Variants in IL11 observed in about 807,000 individuals in gnomAD.
IL11 encodes interleukin-11.
In IL11, 17 loss-of-function variants were observed where a neutral mutation model predicts 18.1. That is an observed-to-expected ratio of 0.94 (90% confidence interval 0.64 to 1.41). The LOEUF (loss-of-function observed/expected upper bound fraction) is 1.41, where lower values mean the gene tolerates loss of function less well. Ranked by LOEUF, IL11 falls within the 40% of genes most tolerant of loss-of-function variation. The pLI, the probability that IL11 is intolerant of heterozygous loss-of-function variation, is 0.00. For missense variants in IL11, 309 were observed against 262.8 expected (o/e 1.18, Z -1.22); for synonymous variants, 144 against 134.1 (o/e 1.07, Z -0.51).
At position 55,368,321 on chromosome 19, in the gene IL11, C is replaced by T; in HGVS notation, c.318G>A (p.Arg106=). Reference sequence around the variant, plus strand: ...CTGCCCGGCGCAGCCACTGCACGTGCCGCAGGTAGGACAGTAGGTCCGCTC... The same window carrying T: ...CTGCCCGGCGCAGCCACTGCACGTGTCGCAGGTAGGACAGTAGGTCCGCTC... ...RLRADLLSYL[R]HVQWLRRAGG... The change falls in exon 4 of 5, where the codon CGG becomes CGA. Residue 106 remains arginine, a synonymous_variant. Coordinates refer to ENST00000264563, the MANE Select transcript of IL11 (RefSeq NM_000641.4). The T allele has an allele frequency of 6.3e-7, 1 of 1,596,852 alleles. No individual in the cohort carries two copies. The highest frequency in any genetic ancestry group is 2.3e-5 in the East Asian group (1 of 44,138).
Position 55,369,566 on chromosome 19 carries a change from A to AG in IL11, c.8-626dup, listed in dbSNP as rs1238570767. On this transcript the variant is annotated intron_variant, in intron 1 of 4. Coordinates refer to ENST00000264563, the MANE Select transcript of IL11 (RefSeq NM_000641.4). The surrounding 1 kb of genome is among the most constrained non-coding windows in gnomAD (Gnocchi z 6.1). ...CCCGGGCCGCAGCGCACCTGGGCGGAGAGGGGCAGAGCCATGGGCCCGGCC... is the reference window on the plus strand; with the variant it reads ...CCCGGGCCGCAGCGCACCTGGGCGGAGGAGGGGCAGAGCCATGGGCCCGGCC... 6.7e-6 allele frequency among the ~76,000 whole-genome samples: 1 copy of AG among 148,312 alleles called. No homozygotes were observed. The highest frequency in any genetic ancestry group is 1.5e-5 in the Non-Finnish European group (1 of 66,792).
chr19:55,369,314 GGGCGTCTCCCGTCCGCCCCC>G lies in IL11; in HGVS notation c.8-393_8-374del, dbSNP rs2089806853. The G allele has an allele frequency of 6.0e-6, 1 of 165,906 alleles. No individual in the cohort carries two copies. Among genetic ancestry groups the G allele is most frequent in the Admixed American group, 6.3e-5 (1 of 15,960 alleles). The allele number at this position is 165,906 out of a possible 1,614,324, so 10.3% of individuals were successfully genotyped here. A position where few individuals can be genotyped will look rare whatever the true frequency, so the allele number is the denominator to read the frequency against. On this transcript the variant is annotated intron_variant, in intron 1 of 4. Coordinates refer to ENST00000264563, the MANE Select transcript of IL11 (RefSeq NM_000641.4). The surrounding 1 kb of genome is among the most constrained non-coding windows in gnomAD (Gnocchi z 6.1). Reference sequence around the variant, plus strand: ...GCGGCCCGGGGCGGGTAGACGGGCCGGGCGTCTCCCGTCCGCCCCCGGACGCCGGAATCTGGGCCCCGGGG... The same window carrying G: ...GCGGCCCGGGGCGGGTAGACGGGCCGGGACGCCGGAATCTGGGCCCCGGGG...
intron 4 of IL11, 102 bp downstream of exon 4, chr19:55,368,108 T>C (rs910331354): frequency 4.1e-5 from 42 of 1,035,340 alleles, no homozygotes; most frequent in Non-Finnish European, 5.7e-5. Flanking sequence ...AGCGGGGCTG[T>C]TGCACTCGGG....
In IL11 at chr19:55,370,420, T is replaced by C. The variant is rs1489704857; in HGVS notation, c.-110A>G. On this transcript the variant is annotated 5_prime_UTR_variant, in exon 1 of 5. Transcript: ENST00000264563. ...CCCGAGGGTCAGCTGGGCCGCGGCC[T>C]GGGGAGGGGAGGCATGTGCCCTGAG... 7.2e-6 allele frequency: 5 copies of C among 693,386 alleles called. No individual in the cohort carries two copies. The highest frequency in any genetic ancestry group is 1.0e-5 in the Non-Finnish European group (5 of 501,294). The allele number at this position is 693,386 out of a possible 1,614,324, so 43.0% of individuals were successfully genotyped here. A position where few individuals can be genotyped will look rare whatever the true frequency, so the allele number is the denominator to read the frequency against.
rs2089806832 is a variant in IL11, at chr19:55,369,314, G to A, written c.8-373C>T. ...GCGGCCCGGGGCGGGTAGACGGGCC[G>A]GGCGTCTCCCGTCCGCCCCCGGACG... is the stretch of plus-strand genomic sequence containing the variant. On this transcript the variant is annotated intron_variant, in intron 1 of 4. Coordinates refer to ENST00000264563, the MANE Select transcript of IL11 (RefSeq NM_000641.4). This position sits in a 1 kb window ranked among gnomAD's most constrained non-coding sequence, Gnocchi z 6.1. 6.0e-6 allele frequency: 1 copy of A among 166,020 alleles called. No homozygotes were observed. Among genetic ancestry groups the A allele is most frequent in the Non-Finnish European group, 1.3e-5 (1 of 77,442 alleles). 10.3% of individuals were successfully genotyped at this position (166,020 alleles called of 1,614,324 possible). A position where few individuals can be genotyped will look rare whatever the true frequency, so the allele number is the denominator to read the frequency against.
rs758437473 is a variant in IL11, at chr19:55,368,896, G to A, written c.53C>T (p.Thr18Ile). 7.7e-6 allele frequency: 12 copies of A among 1,560,670 alleles called. No homozygotes were observed. The highest frequency in any genetic ancestry group is 1.0e-5 in the Non-Finnish European group (12 of 1,151,978). The change falls in exon 2 of 5, where the codon ACA becomes ATA. Residue 18 changes from threonine (T) to isoleucine (I), a missense_variant. Thr to Ile is a moderately conservative substitution (Grantham distance 89). Coordinates refer to ENST00000264563, the MANE Select transcript of IL11 (RefSeq NM_000641.4). ...VLVVLSLWPD[T>I]AVAPGPPPGP... ...AGGTGGTGGCCCAGGGGCGACAGCTGTATCTGGCCACAGGCTCAGCACGAC... is the reference window on the plus strand; with the variant it reads ...AGGTGGTGGCCCAGGGGCGACAGCTATATCTGGCCACAGGCTCAGCACGAC...
intron 2 of IL11, 94 bp from the exon 3 acceptor site, chr19:55,368,663 T>A: frequency 6.8e-7 from 1 of 1,468,636 alleles, no homozygotes; most frequent in Non-Finnish European, 9.2e-7. Flanking sequence ...CCTCCCTCAC[T>A]CTGCCACCTG....
At position 55,366,990 on chromosome 19, in the gene IL11, T is replaced by C. The variant is rs1218405177; in HGVS notation, c.430-813A>G. Among the ~76,000 whole-genome samples the C allele has an allele frequency of 3.9e-5, 6 of 152,134 alleles. No homozygotes were observed. The highest frequency in any genetic ancestry group is 7.2e-5 in the African/African-American group (3 of 41,426). ...GGTTTTACAGACAGTATCTGAGGTC[T>C]GTGGGCTCGAGTCTAGGGTCAGGCC... On this transcript the variant is annotated intron_variant, in intron 4 of 4. Transcript: ENST00000264563. This position sits in a 1 kb window ranked among gnomAD's most constrained non-coding sequence, Gnocchi z 4.6.
rs1198855463 is a variant in IL11 at position 55,369,726 on chromosome 19, C to T, written c.7+578G>A. On this transcript the variant is annotated intron_variant, in intron 1 of 4. Coordinates refer to ENST00000264563, the MANE Select transcript of IL11 (RefSeq NM_000641.4). This position sits in a 1 kb window ranked among gnomAD's most constrained non-coding sequence, Gnocchi z 6.1. Reference sequence around the variant, plus strand: ...CACCCGCCAGCCAATCAGCGCTCCCCGGCCGCCCGCGCCTCGCACACCCCC... The same window carrying T: ...CACCCGCCAGCCAATCAGCGCTCCCTGGCCGCCCGCGCCTCGCACACCCCC... 6.8e-6 allele frequency among the ~76,000 whole-genome samples: 1 copy of T among 147,586 alleles called. No homozygotes were observed. The highest frequency in any genetic ancestry group is 1.5e-5 in the Non-Finnish European group (1 of 66,304).
In IL11 at chr19:55,366,313, G is replaced by A; in HGVS notation, c.430-136C>T. ...GTGGCGCGTGGGGTGAAGTGTTTAG[G>A]CCGGGAGCTCTTCAGGCTGTGGGGT... On this transcript the variant is annotated intron_variant, in intron 4 of 4. Transcript: ENST00000264563. This position sits in a 1 kb window ranked among gnomAD's most constrained non-coding sequence, Gnocchi z 4.6. The A allele has an allele frequency of 1.1e-6, 1 of 895,928 alleles. No homozygotes were observed. The highest frequency in any genetic ancestry group is 1.6e-6 in the Non-Finnish European group (1 of 624,796). The allele number at this position is 895,928 out of a possible 1,614,324, so 55.5% of individuals were successfully genotyped here.
chr19:55,367,074 A>G (rs111785010), intron 4 of IL11, among the ~76,000 whole-genome samples: 4 of 152,198 alleles, frequency 2.6e-5, no homozygotes, highest in African/African-American at 7.2e-5. Context: ...TCAGGAACTC[A>G]TGGGTGAGGG....
In IL11 at chr19:55,366,825, A is replaced by T; in HGVS notation, c.430-648T>A. On this transcript the variant is annotated intron_variant, in intron 4 of 4. Coordinates refer to ENST00000264563, the MANE Select transcript of IL11 (RefSeq NM_000641.4). This position sits in a 1 kb window ranked among gnomAD's most constrained non-coding sequence, Gnocchi z 4.6. ...CGAGACTCTGTCTCCAAAAAATAAT[A>T]ATAATAATAATAATTAAGAAACAGA... Among the ~76,000 whole-genome samples the T allele has an allele frequency of 6.6e-6, 1 of 152,036 alleles. No individual in the cohort carries two copies. Among genetic ancestry groups the T allele is most frequent in the Non-Finnish European group, 1.5e-5 (1 of 68,026 alleles).
At position 55,366,263 on chromosome 19, in the gene IL11, G is replaced by A. The variant is rs999339245; in HGVS notation, c.430-86C>T. 1.5e-5 allele frequency: 21 copies of A among 1,383,872 alleles called. No homozygotes were observed. Among genetic ancestry groups the A allele is most frequent in the African/African-American group, 9.0e-5 (6 of 66,558 alleles). The allele number at this position is 1,383,872 out of a possible 1,614,324, so 85.7% of individuals were successfully genotyped here. On this transcript the variant is annotated intron_variant, in intron 4 of 4. Transcript: ENST00000264563. This position sits in a 1 kb window ranked among gnomAD's most constrained non-coding sequence, Gnocchi z 4.6. The stretch of plus-strand genomic sequence containing the variant: ...GGTGCTGTGGAGCTGCAGCTGAATC[G>A]GGGCTGCATATTCACAGGGGGACTG...
At chr19:55,367,690 C>G (rs1365069060) in intron 4 of IL11, among the ~76,000 whole-genome samples, 1 of 151,860 alleles carries the variant, frequency 6.6e-6, no homozygotes, top group Non-Finnish European at 1.5e-5. Context: ...GAACTCCCGA[C>G]CTCAGGTGAT....
At position 55,368,341 on chromosome 19, in the gene IL11, C is replaced by G. The variant is rs950285638; in HGVS notation, c.298G>C (p.Asp100His). The G allele has an allele frequency of 1.3e-6, 2 of 1,598,432 alleles. No individual in the cohort carries two copies. Among genetic ancestry groups the G allele is most frequent in the Non-Finnish European group, 1.7e-6 (2 of 1,170,088 alleles). Residue 100 changes from aspartate to histidine, a missense_variant, in exon 4 of 5, where the codon GAC becomes CAC. Physicochemically the swap from Asp to His is moderately conservative, Grantham distance 81. Coordinates refer to ENST00000264563, the MANE Select transcript of IL11 (RefSeq NM_000641.4). ...LPGVLTRLRA[D>H]LLSYLRHVQW... ...ACGTGCCGCAGGTAGGACAGTAGGT[C>G]CGCTCGCAGCCTTGTCAGCACACCT... is the stretch of plus-strand genomic sequence containing the variant.
rs1179519349 is a variant in IL11 at position 55,366,979 on chromosome 19, T to TGTA, written c.430-803_430-802insTAC. Among the ~76,000 whole-genome samples, 3 of 152,214 alleles carry TGTA rather than the reference T, an allele frequency of 2.0e-5. No homozygotes were observed. The highest frequency in any genetic ancestry group is 4.8e-5 in the African/African-American group (2 of 41,542). On this transcript the variant is annotated intron_variant, in intron 4 of 4. Coordinates refer to ENST00000264563, the MANE Select transcript of IL11 (RefSeq NM_000641.4). This position sits in a 1 kb window ranked among gnomAD's most constrained non-coding sequence, Gnocchi z 4.6. ...ACCAGAGCTGGGGTTTTACAGACAG[T>TGTA]ATCTGAGGTCTGTGGGCTCGAGTCT...
rs149176376 is a variant in IL11, at chr19:55,366,081, C to T, written c.526G>A (p.Ala176Thr). 1.4e-5 allele frequency: 23 copies of T among 1,590,222 alleles called. No homozygotes were observed. Among genetic ancestry groups the T allele is most frequent in the South Asian group, 2.3e-5 (2 of 87,500 alleles). Residue 176 changes from alanine (A) to threonine (T), a missense_variant, in exon 5 of 5, where the codon GCC becomes ACC. Ala to Thr is a moderately conservative substitution (Grantham distance 58). Coordinates refer to ENST00000264563, the MANE Select transcript of IL11 (RefSeq NM_000641.4). This position sits in a 1 kb window ranked among gnomAD's most constrained non-coding sequence, Gnocchi z 4.6. ...SAWGGIRAAH[A>T]ILGGLHLTLD... ...GTCAGGTGCAGCCCCCCCAGGATGG[C>T]GTGGGCGGCCCTGATGCCCCCCCAG...
rs1342019739 is a variant in IL11 at position 55,365,811 on chromosome 19, CTG to C, written c.*194_*195del. ...CCTCCTCGGGGACCCAGGAGTCCAC[CTG>C]CCTCCCACCCCTGCTCCTGAAATAA... On this transcript the variant is annotated 3_prime_UTR_variant, in exon 5 of 5. Transcript: ENST00000264563. 2 of 861,974 alleles carry C rather than the reference CTG, an allele frequency of 2.3e-6. No homozygotes were observed. Among genetic ancestry groups the C allele is most frequent in the African/African-American group, 3.5e-5 (2 of 56,350 alleles). The allele number at this position is 861,974 out of a possible 1,614,324, so 53.4% of individuals were successfully genotyped here. A position where few individuals can be genotyped will look rare whatever the true frequency, so the allele number is the denominator to read the frequency against.
At chr19:55,367,398 G>A (rs1308210745) in intron 4 of IL11, among the ~76,000 whole-genome samples, 2 of 151,644 alleles carry the variant, frequency 1.3e-5, no homozygotes, top group Non-Finnish European at 2.9e-5. Context: ...CAGGATCTCA[G>A]GGCTGGGGCC....
Sources: allele counts gnomAD v4.1 joint callset (sites outside exome capture counted in the v4.1 genomes callset), GRCh38; gene constraint gnomAD v4.1.1; non-coding constraint Gnocchi (gnomAD v3.1); transcripts MANE v1.5; gene names NCBI Gene and HGNC (gene_info 2026-07-23, HGNC 2026-07-21).